EFR3B: variants seen among roughly 807,000 people sequenced by gnomAD.
EFR3B encodes EFR3 homolog B, also known as protein EFR3 homolog B.
EFR3B carries 64 observed loss-of-function variants against 104.7 expected under a neutral mutation model. The ratio of observed to expected loss-of-function variants is 0.61; its 90% CI spans 0.50 to 0.75. The LOEUF is 0.75. EFR3B is among the 30% of genes least tolerant of loss of function. EFR3B has a pLI of 0.00. For missense variants in EFR3B, 750 were observed against 1,078.5 expected (o/e 0.70, Z 4.27); for synonymous variants, 385 against 417.9 (o/e 0.92, Z 0.96).
At chr2:25,053,225 C>T (rs907239948) in intron 1 of EFR3B, among the ~76,000 whole-genome samples, 11 of 152,220 alleles carry the variant, frequency 7.2e-5, no homozygotes, top group Admixed American at 4.6e-4. Flanking sequence ...TTCTGGATCA[C>T]TTCTCTCACT....
At chr2:25,132,818 C>G in intron 10 of EFR3B, 85 bp from the exon 11 acceptor site, 1 of 1,147,652 alleles carries the variant, frequency 8.7e-7, no homozygotes, top group Non-Finnish European at 1.3e-6. Context: ...AGAGGCAGCC[C>G]TCGCTCTCTG....
intron 5 of EFR3B, among the ~76,000 whole-genome samples, chr2:25,124,738 CAAAAA>C (rs34181444): frequency 2.4e-5 from 1 of 41,790 alleles, no homozygotes; most frequent in African/African-American, 9.8e-5. Flanking sequence ...GACTCTGTCT[CAAAAA>C]AAAAAAAAAA....
chr2:25,119,191 A>G (rs1238222638), intron 4 of EFR3B, among the ~76,000 whole-genome samples: 1 of 152,226 alleles, frequency 6.6e-6, no homozygotes, highest in Non-Finnish European at 1.5e-5. Context: ...AAAGAACCTC[A>G]GTGACAACCG....
intron 12 of EFR3B, among the ~76,000 whole-genome samples, chr2:25,134,920 A>G (rs1328039635): frequency 6.6e-6 from 1 of 152,230 alleles, no homozygotes; most frequent in Non-Finnish European, 1.5e-5. Flanking sequence ...AACAGCATGT[A>G]TGGCATATCT....
At chr2:25,048,795 T>A (rs766997128) in intron 1 of EFR3B, among the ~76,000 whole-genome samples, 3 of 152,300 alleles carry the variant, frequency 2.0e-5, no homozygotes, top group Non-Finnish European at 4.4e-5. Context: ...GCCAGGCATT[T>A]GGGGCCACTA....
chr2:25,140,228 G>A (rs889662838), intron 16 of EFR3B, among the ~76,000 whole-genome samples: 8 of 152,116 alleles, frequency 5.3e-5, no homozygotes, highest in East Asian at 1.9e-4. Context: ...CAGGAGAATC[G>A]CTTGAACCTG....
At chr2:25,051,633 G>GTTT (rs1239087428) in intron 1 of EFR3B, among the ~76,000 whole-genome samples, 1 of 98,666 alleles carries the variant, frequency 1.0e-5, no homozygotes, top group Non-Finnish European at 2.2e-5. Context: ...TTGTGTGTGT[G>GTTT]TGTGTTTTTT....
intron 1 of EFR3B, among the ~76,000 whole-genome samples, chr2:25,051,173 A>G (rs1667857684): frequency 6.6e-6 from 1 of 151,860 alleles, no homozygotes; most frequent in South Asian, 2.1e-4. Flanking sequence ...GTGCAGTGGC[A>G]TGATCTCAGC....
Position 25,042,380 on chromosome 2 carries a change from C to T in EFR3B, c.7+61C>T, listed in dbSNP as rs1248555689. 7 of 1,235,114 alleles carry T rather than the reference C, an allele frequency of 5.7e-6. No individual in the cohort carries two copies. In the East Asian group the frequency reaches 2.2e-4, roughly 40 times the overall value. The allele number at this position is 1,235,114 out of a possible 1,614,324, so 76.5% of individuals were successfully genotyped here. On this transcript the variant is annotated intron_variant, in intron 1 of 22. Transcript: ENST00000403714. The surrounding 1 kb of genome is among the most constrained non-coding windows in gnomAD (Gnocchi z 5.4). ...GGGGCGACTCCGCAAACTTCCCCGG[C>T]GCGGACCATTGTCCCCCTGCACGGC...
intron 1 of EFR3B, among the ~76,000 whole-genome samples, chr2:25,051,284 T>C (rs1457814017): frequency 1.3e-5 from 2 of 152,006 alleles, no homozygotes; most frequent in Admixed American, 6.6e-5. Flanking sequence ...GCTAATTTTT[T>C]TGTATTTTTA....
In EFR3B at chr2:25,128,163, C is replaced by T; in HGVS notation, c.486-20C>T. ...AGGGCTAGAGGACTTCCGAGTCCCA[C>T]TTCACCCTTTTCCTTACAGAATTCG... On this transcript the variant is annotated intron_variant, in intron 5 of 22. Coordinates refer to ENST00000403714, the MANE Select transcript of EFR3B (RefSeq NM_014971.2). 6.4e-7 allele frequency: 1 copy of T among 1,551,518 alleles called. No individual in the cohort carries two copies. Among genetic ancestry groups the T allele is most frequent in the Non-Finnish European group, 8.7e-7 (1 of 1,146,876 alleles).
chr2:25,077,953 T>C (rs887083047), intron 1 of EFR3B, among the ~76,000 whole-genome samples: 2 of 152,164 alleles, frequency 1.3e-5, no homozygotes, highest in African/African-American at 2.4e-5. Flanking sequence ...TTACCAGCTG[T>C]CTCCACCCCT....
intron 4 of EFR3B, among the ~76,000 whole-genome samples, chr2:25,112,641 A>G (rs1012776270): frequency 3.3e-5 from 5 of 152,182 alleles, no homozygotes; most frequent in Admixed American, 2.6e-4. Flanking sequence ...TCAAAACCAT[A>G]TGGTTGGCAA....
chr2:25,129,854 A>T, intron 6 of EFR3B, 121 bp from the exon 7 acceptor site: 1 of 1,335,452 alleles, frequency 7.5e-7, no homozygotes, highest in Non-Finnish European at 1.0e-6. Context: ...CCTATTGCCT[A>T]GTGCAACCCA....
At chr2:25,126,560 A>G (rs1044876560) in intron 5 of EFR3B, among the ~76,000 whole-genome samples, 1 of 151,936 alleles carries the variant, frequency 6.6e-6, no homozygotes, top group Admixed American at 6.6e-5. Context: ...GGGTTTCACC[A>G]TGTTGACCAG....
chr2:25,068,927 C>T (rs1188125992), intron 1 of EFR3B, among the ~76,000 whole-genome samples: 2 of 133,504 alleles, frequency 1.5e-5, no homozygotes, highest in African/African-American at 5.7e-5. Flanking sequence ...CCGCGCCCGG[C>T]ATCTTTTTTT....
intron 4 of EFR3B, among the ~76,000 whole-genome samples, chr2:25,107,154 G>C (rs564881200): frequency 1.3e-5 from 2 of 152,228 alleles, no homozygotes; most frequent in South Asian, 4.1e-4. Flanking sequence ...TAGAATCTGG[G>C]GGGTGGCAAG....
chr2:25,128,255 T>C lies in EFR3B; in HGVS notation c.558T>C (p.Asn186=). The change falls in exon 6 of 23, where the codon AAT becomes AAC. Residue 186 remains asparagine (N), a synonymous_variant. Transcript: ENST00000403714. ...RKTVNDELQA[N]IWDPQHMDKI... is the part of the protein sequence containing the mutation. ...CGGTGAATGATGAACTGCAGGCCAA[T>C]ATCTGGGACCCACAGCACATGGATA... The C allele has an allele frequency of 1.3e-6, 2 of 1,551,782 alleles. No homozygotes were observed. The highest frequency in any genetic ancestry group is 2.4e-5 in the South Asian group (2 of 84,062).
Position 25,144,982 on chromosome 2 carries a change from G to A in EFR3B, c.2073G>A (p.Arg691=). The change falls in exon 19 of 23, where the codon AGG becomes AGA. Residue 691 remains arginine (R), a synonymous_variant. Coordinates refer to ENST00000403714, the MANE Select transcript of EFR3B (RefSeq NM_014971.2). ...QLTDEDRLSK[R]RSIGETISLQ... is the part of the protein sequence containing the mutation. ...CAGATGAGGATCGTTTATCCAAGAG[G>A]AGGAGCATTGGAGAGACCATCTCCC... 6.4e-7 allele frequency: 1 copy of A among 1,551,762 alleles called. No homozygotes were observed. The highest frequency in any genetic ancestry group is 8.7e-7 in the Non-Finnish European group (1 of 1,147,006).
Sources: gnomAD v4.1 joint callset for allele counts (sites outside exome capture counted in the v4.1 genomes callset) on GRCh38, gnomAD v4.1.1 for gene constraint, Gnocchi (gnomAD v3.1) non-coding constraint, MANE v1.5 for transcripts, NCBI Gene and HGNC (gene_info 2026-07-23, HGNC 2026-07-21) for gene names.